Variants in QRICH2 observed in about 807,000 individuals in gnomAD.
The protein encoded by QRICH2 is glutamine rich 2.
Under a neutral mutation model 168.3 loss-of-function variants are expected in QRICH2, and 119 were observed. The ratio of observed to expected loss-of-function variants is 0.71; its 90% CI spans 0.61 to 0.82. The LOEUF (loss-of-function observed/expected upper bound fraction) is 0.82. Ranked by LOEUF, QRICH2 falls within the 40% of genes least tolerant of loss-of-function variation. The pLI is 0.00. For missense variants in QRICH2, 2,241 were observed against 2,491.6 expected (o/e 0.90, Z 2.14); for synonymous variants, 894 against 951.2 (o/e 0.94, Z 1.11).
chr17:76,300,570 A>G (rs1330333838), intron 3 of QRICH2, among the ~76,000 whole-genome samples: 1 of 152,130 alleles, frequency 6.6e-6, no homozygotes, highest in East Asian at 1.9e-4. Context: ...AACCTCCATT[A>G]TGGGTTTTGG....
chr17:76,308,269 G>A lies in QRICH2; in HGVS notation c.-271C>T, dbSNP rs115355423. 1.3e-3 allele frequency: 1,254 copies of A among 985,432 alleles called. 13 individuals carry two copies. The African/African-American group carries it at 0.02, about 16-fold the overall frequency. 61.0% of individuals were successfully genotyped at this position (985,432 alleles called of 1,614,324 possible). A position where few individuals can be genotyped will look rare whatever the true frequency, so the allele number is the denominator to read the frequency against. On this transcript the variant is annotated 5_prime_UTR_variant, in exon 1 of 19. Coordinates refer to ENST00000680821, the MANE Select transcript of QRICH2 (RefSeq NM_001388453.1). ...CTGGACTCCCAGTCCCCGCGCCGGC[G>A]GACGTTTGAAACGTGGGGGCCCCCG...
intron 1 of QRICH2, among the ~76,000 whole-genome samples, chr17:76,306,218 A>C (rs530988083): frequency 4.0e-5 from 6 of 151,464 alleles, no homozygotes; most frequent in Admixed American, 2.0e-4. Context: ...AACAAAAAAA[A>C]CCCCCACCAC....
intron 5 of QRICH2, among the ~76,000 whole-genome samples, chr17:76,289,149 T>C (rs936208278): frequency 2.6e-5 from 4 of 151,952 alleles, no homozygotes; most frequent in African/African-American, 9.7e-5. Flanking sequence ...GCCCTCATTA[T>C]TTGGCTCAGC....
rs754643949 is a variant in QRICH2, at chr17:76,292,659, A to G, written c.2068T>C (p.Leu690=). 2 of 1,614,082 alleles carry G rather than the reference A, an allele frequency of 1.2e-6. No homozygotes were observed. Among genetic ancestry groups the G allele is most frequent in the Non-Finnish European group, 1.7e-6 (2 of 1,179,986 alleles). Reference sequence around the variant, plus strand: ...ATCTGATCTGCACCAGGTTGGACCAAGCCAGGCTGATATGCACCAGGCTGC... The same window carrying G: ...ATCTGATCTGCACCAGGTTGGACCAGGCCAGGCTGATATGCACCAGGCTGC... ...LVQPGAYQPG[L]VQPGADQIDV... The change falls in exon 4 of 19, where the codon TTG becomes CTG. Residue 690 remains leucine, a synonymous_variant. Coordinates refer to ENST00000680821, the MANE Select transcript of QRICH2 (RefSeq NM_001388453.1).
intron 3 of QRICH2, among the ~76,000 whole-genome samples, chr17:76,302,124 C>A (rs2585748): frequency 0.12 from 18,584 of 152,082 alleles, 1,163 homozygotes; most frequent in Middle Eastern, 0.18. Context: ...GTCTCCAACT[C>A]CTGACCTCAG....
chr17:76,300,738 T>C (rs916240344), intron 3 of QRICH2, among the ~76,000 whole-genome samples: 2 of 149,926 alleles, frequency 1.3e-5, no homozygotes, highest in Admixed American at 6.6e-5. Context: ...CTGGGCAACA[T>C]GGCAAAAACC....
intron 18 of QRICH2, 152 bp downstream of exon 18, chr17:76,275,667 C>G: frequency 1.1e-6 from 1 of 951,044 alleles, no homozygotes; most frequent in East Asian, 2.7e-5. Flanking sequence ...ATCACTCAGT[C>G]ACTCGGGGTT....
chr17:76,304,784 A>G, intron 2 of QRICH2, 98 bp downstream of exon 2: 4 of 919,414 alleles, frequency 4.4e-6, no homozygotes, highest in South Asian at 3.9e-5. Flanking sequence ...GAGGGCACAC[A>G]CTGCCTGCCC....
chr17:76,292,608 G>T lies in QRICH2; in HGVS notation c.2119C>A (p.Gln707Lys). The T allele has an allele frequency of 6.2e-7, 1 of 1,613,720 alleles. No homozygotes were observed. Among genetic ancestry groups the T allele is most frequent in the Non-Finnish European group, 8.5e-7 (1 of 1,179,968 alleles). ...GCACCAGATTGTACCAAACCATGCT[G>T]ATCTGCACCAGGTTGCACCACATCA... ...QIDVVQPGAD[Q>K]HGLVQSGADQ... Residue 707 changes from glutamine to lysine, a missense_variant, in exon 4 of 19, where the codon CAG (glutamine) becomes AAG (lysine). Coordinates refer to ENST00000680821, the MANE Select transcript of QRICH2 (RefSeq NM_001388453.1).
In QRICH2 at chr17:76,304,543, G is replaced by C. The variant is rs946442308; in HGVS notation, c.595-18C>G. On this transcript the variant is annotated intron_variant, in intron 2 of 18. Transcript: ENST00000680821. ...ACTAGTTCCTGACAGTGACAGAAAA[G>C]ACACACACATACACCCCTTGATTAA... is the stretch of plus-strand genomic sequence containing the variant. 3.2e-6 allele frequency: 5 copies of C among 1,549,294 alleles called. No individual in the cohort carries two copies. In the South Asian group the frequency reaches 3.4e-5, roughly 10 times the overall value.
intron 16 of QRICH2, 36 bp downstream of exon 16, chr17:76,277,127 G>T (rs750263909): frequency 1.3e-6 from 2 of 1,512,802 alleles, no homozygotes; most frequent in Non-Finnish European, 1.8e-6. Flanking sequence ...CCATGTCAGG[G>T]CCTCCCTCCC....
intron 7 of QRICH2, among the ~76,000 whole-genome samples, chr17:76,286,069 G>C (rs2143228320): frequency 6.6e-6 from 1 of 152,194 alleles, no homozygotes; most frequent in Non-Finnish European, 1.5e-5. Flanking sequence ...CAGCTACTCG[G>C]GAGGCTGAGG....
intron 3 of QRICH2, among the ~76,000 whole-genome samples, chr17:76,297,422 G>A (rs931010597): frequency 1.1e-4 from 16 of 151,758 alleles, no homozygotes; most frequent in Non-Finnish European, 1.9e-4. Flanking sequence ...CAGGAGAATC[G>A]CTTGAACCCA....
chr17:76,281,173 C>A lies in QRICH2; in HGVS notation c.4264-220G>T, dbSNP rs2070782188. ...GAACAGCCTGGGCAACATAGGGAGA[C>A]CCTGTCTCAAAAACAATGGAAAACA... On this transcript the variant is annotated intron_variant, in intron 8 of 18. Transcript: ENST00000680821. The surrounding 1 kb of genome is among the most constrained non-coding windows in gnomAD (Gnocchi z 4.4). Among the ~76,000 whole-genome samples the A allele has an allele frequency of 6.6e-6, 1 of 152,154 alleles. No individual in the cohort carries two copies. The highest frequency in any genetic ancestry group is 1.5e-5 in the Non-Finnish European group (1 of 68,014).
At chr17:76,275,778 C>T (rs768697056) in intron 18 of QRICH2, 41 bp downstream of exon 18, 19 of 1,593,008 alleles carry the variant, frequency 1.2e-5, no homozygotes, top group African/African-American at 5.3e-5. Context: ...GCAGGGCCAG[C>T]GGGGAGGCCT....
At position 76,292,874 on chromosome 17, in the gene QRICH2, C is replaced by A. The variant is rs755754765; in HGVS notation, c.1853G>T (p.Arg618Leu). Residue 618 changes from arginine (R) to leucine (L), a missense_variant, in exon 4 of 19, where the codon CGT (arginine) becomes CTT (leucine). By Grantham distance (102) the Arg-to-Leu change is moderately radical (BLOSUM62 -2). This residue lies in a region of QRICH2 where 2,047 missense variants were observed against 2,303.8 expected (regional missense o/e 0.89). Coordinates refer to ENST00000680821, the MANE Select transcript of QRICH2 (RefSeq NM_001388453.1). The part of the protein sequence containing the change: ...SGLAQPGADQ[R>L]GLVWPGMDQS... ...ATCCATTCCAGGCCAGACCAAACCA[C>A]GCTGATCTGCACCAGGTTGGGCCAA... 1 of 1,592,938 alleles carries A rather than the reference C, an allele frequency of 6.3e-7. No individual in the cohort carries two copies. The highest frequency in any genetic ancestry group is 8.5e-7 in the Non-Finnish European group (1 of 1,178,378).
At chr17:76,279,166 G>A (rs2143150229) in intron 13 of QRICH2, 24 bp from the exon 14 acceptor site, 1 of 1,582,740 alleles carries the variant, frequency 6.3e-7, no homozygotes, top group Non-Finnish European at 8.6e-7. Flanking sequence ...GAGGGAGAAG[G>A]GGCGGGTCAG....
chr17:76,300,240 C>G (rs1007140766), intron 3 of QRICH2, among the ~76,000 whole-genome samples: 1 of 152,082 alleles, frequency 6.6e-6, no homozygotes, highest in African/African-American at 2.4e-5. Flanking sequence ...GCATAGACAC[C>G]TTTAAACATT....
intron 3 of QRICH2, among the ~76,000 whole-genome samples, chr17:76,297,109 C>T (rs1022874521): frequency 6.6e-6 from 1 of 152,178 alleles, no homozygotes; most frequent in East Asian, 1.9e-4. Context: ...CACCTATGGA[C>T]CCACCTAACA....
Sources: allele counts gnomAD v4.1 joint callset (sites outside exome capture counted in the v4.1 genomes callset), GRCh38; gene constraint gnomAD v4.1.1; regional missense constraint gnomAD v4.1.1; non-coding constraint Gnocchi (gnomAD v3.1); transcripts MANE v1.5; gene names NCBI Gene and HGNC (gene_info 2026-07-23, HGNC 2026-07-21).